Variants in DGKH observed in about 807,000 individuals in gnomAD.
The protein encoded by DGKH is diacylglycerol kinase eta, also known as DAG kinase eta.
DGKH carries 90 observed loss-of-function variants against 159.3 expected under a neutral mutation model. The ratio of observed to expected loss-of-function variants is 0.57; its 90% CI spans 0.48 to 0.67. The LOEUF (loss-of-function observed/expected upper bound fraction) is 0.67. DGKH is among the 30% of genes least tolerant of loss of function. The pLI, the probability that DGKH is intolerant of heterozygous loss-of-function variation, is 0.00. For synonymous variants in DGKH, 536 were observed against 553.8 expected (o/e 0.97, Z 0.45); for missense variants, 1,181 against 1,506.1 (o/e 0.78, Z 3.57).
intron 1 of DGKH, among the ~76,000 whole-genome samples, chr13:42,097,607 T>A (rs1198363254): frequency 1.3e-5 from 2 of 152,230 alleles, no homozygotes; most frequent in African/African-American, 4.8e-5. Context: ...TCTGAATATT[T>A]AATATGTAAA....
intron 1 of DGKH, among the ~76,000 whole-genome samples, chr13:42,040,565 GA>G (rs1357893453): frequency 2.0e-5 from 3 of 151,816 alleles, no homozygotes; most frequent in Non-Finnish European, 2.9e-5. Context: ...AGGAAGGAGC[GA>G]GGGGCGGATT....
At chr13:42,210,051 T>C (rs532919329) in intron 23 of DGKH, among the ~76,000 whole-genome samples, 1 of 151,664 alleles carries the variant, frequency 6.6e-6, no homozygotes, top group African/African-American at 2.4e-5. Context: ...AATATGTTTT[T>C]AATTAAGGTC....
In DGKH at chr13:42,181,847, C is replaced by A; in HGVS notation, c.1538+3627C>A. On this transcript the variant is annotated intron_variant, in intron 13 of 29. Transcript: ENST00000337343. The stretch of plus-strand genomic sequence containing the variant: ...GCAGCTGAGCTGCTGGTGCTGGCAG[C>A]TGAGCTGCTGGTGCTGGCAGCTGAG... 2 of 111,682 alleles carry A rather than the reference C, an allele frequency of 1.8e-5. 1 individual carries two copies. Among genetic ancestry groups the A allele is most frequent in the South Asian group, 1.8e-4 (2 of 10,928 alleles). 6.9% of individuals were successfully genotyped at this position (111,682 alleles called of 1,614,324 possible).
chr13:42,100,647 A>G (rs1467474084), intron 1 of DGKH, among the ~76,000 whole-genome samples: 2 of 152,144 alleles, frequency 1.3e-5, no homozygotes, highest in Non-Finnish European at 2.9e-5. Context: ...GCCCATTTAA[A>G]CCTAAAGTTG....
At chr13:42,244,405 C>T (rs1021268864), downstream of DGKH, among the ~76,000 whole-genome samples, 6 of 152,176 alleles carry the variant, frequency 3.9e-5, no homozygotes, top group South Asian at 2.1e-4. Flanking sequence ...AGGGTGAGAA[C>T]CAGTGCCCCT....
At chr13:42,159,399 C>A in intron 6 of DGKH, 27 bp downstream of exon 6, 3 of 1,457,796 alleles carry the variant, frequency 2.1e-6, no homozygotes, top group Non-Finnish European at 2.9e-6. Context: ...TCTCTGCTCT[C>A]TTCCCACTAA....
chr13:42,066,487 A>G (rs1211663341), intron 1 of DGKH: 1 of 152,192 alleles, frequency 6.6e-6, no homozygotes, highest in Non-Finnish European at 1.5e-5. Context: ...AAAAAACACT[A>G]CATGTATGTA....
chr13:42,171,854 G>A, intron 11 of DGKH, among the ~76,000 whole-genome samples: 1 of 138,254 alleles, frequency 7.2e-6, no homozygotes, highest in Non-Finnish European at 1.5e-5. Context: ...TTTTGAGACG[G>A]AGTCTCGCTC....
intron 3 of DGKH, among the ~76,000 whole-genome samples, chr13:42,139,194 G>T (rs944716309): frequency 1.3e-5 from 2 of 152,216 alleles, no homozygotes; most frequent in African/African-American, 2.4e-5. Flanking sequence ...TTGGGGTGAA[G>T]ATAAGGTGTG....
chr13:42,096,874 A>G (rs542849584), intron 1 of DGKH, among the ~76,000 whole-genome samples: 1 of 152,336 alleles, frequency 6.6e-6, no homozygotes, highest in South Asian at 2.1e-4. Flanking sequence ...AAAGTCCTGC[A>G]CACGTGGGTT....
At chr13:42,126,751 C>T (rs574883631) in intron 1 of DGKH, among the ~76,000 whole-genome samples, 2 of 152,254 alleles carry the variant, frequency 1.3e-5, no homozygotes, top group South Asian at 4.1e-4. Flanking sequence ...AAATGCCCTT[C>T]CCCCATCTCT....
downstream of DGKH, among the ~76,000 whole-genome samples, chr13:42,247,229 C>CTTTTTTTTTTTTTTTTTT (rs71096565): frequency 9.9e-6 from 1 of 101,430 alleles, no homozygotes; most frequent in Non-Finnish European, 2.1e-5. Flanking sequence ...ACTATGTATA[C>CTTTTTTTTTTTTTTTTTT]TTTTTTTTTT....
chr13:42,203,757 C>T (rs1479399625), intron 20 of DGKH, among the ~76,000 whole-genome samples: 3 of 152,114 alleles, frequency 2.0e-5, no homozygotes, highest in African/African-American at 7.2e-5. Context: ...TGCTTGAGCC[C>T]AGGAGTTCAA....
chr13:42,055,354 T>C (rs1881676100), intron 1 of DGKH, among the ~76,000 whole-genome samples: 1 of 152,234 alleles, frequency 6.6e-6, no homozygotes, highest in Non-Finnish European at 1.5e-5. Context: ...GTGAACTAAA[T>C]ATAGACTGGA....
intron 1 of DGKH, among the ~76,000 whole-genome samples, chr13:42,049,593 C>T (rs1482309542): frequency 6.6e-6 from 1 of 152,208 alleles, no homozygotes; most frequent in African/African-American, 2.4e-5. Context: ...ACATGGTGTT[C>T]GCGGCTTAAC....
At chr13:42,096,050 T>A (rs1954525274) in intron 1 of DGKH, among the ~76,000 whole-genome samples, 1 of 152,236 alleles carries the variant, frequency 6.6e-6, no homozygotes. Context: ...TAGTTTTAGG[T>A]CACAACAAGT....
intron 1 of DGKH, among the ~76,000 whole-genome samples, chr13:42,078,603 G>A (rs1282266180): frequency 6.6e-6 from 1 of 152,102 alleles, no homozygotes; most frequent in African/African-American, 2.4e-5. Flanking sequence ...GCTCTGAGGG[G>A]TTGGGCGGGG....
intron 23 of DGKH, among the ~76,000 whole-genome samples, chr13:42,209,957 C>T (rs1957601979): frequency 6.6e-6 from 1 of 151,504 alleles, no homozygotes; most frequent in Admixed American, 6.6e-5. Flanking sequence ...ACCTGTTCAT[C>T]CCTCCTTCCC....
intron 20 of DGKH, among the ~76,000 whole-genome samples, chr13:42,202,675 T>C (rs765083742): frequency 2.0e-5 from 3 of 152,252 alleles, no homozygotes; most frequent in Admixed American, 6.5e-5. Flanking sequence ...TTCTGATATA[T>C]ACTCAACTTT....
Sources: gnomAD v4.1 joint callset for allele counts (sites outside exome capture counted in the v4.1 genomes callset) on GRCh38, gnomAD v4.1.1 for gene constraint, MANE v1.5 for transcripts, NCBI Gene and HGNC (gene_info 2026-07-23, HGNC 2026-07-21) for gene names.